The following FLT3 variants were observed in gnomAD, a reference collection of about 807,000 sequenced individuals.
The protein encoded by FLT3 is receptor-type tyrosine-protein kinase FLT3.
Under a neutral mutation model 126.6 loss-of-function variants are expected in FLT3, and 46 were observed. The observed-to-expected ratio is 0.36, with a 90% confidence interval of 0.29 to 0.46. FLT3 has a LOEUF of 0.46. Ranked by LOEUF, FLT3 falls within the 20% of genes least tolerant of loss-of-function variation. The pLI is 1.00. For synonymous variants in FLT3, 404 were observed against 434.4 expected (o/e 0.93, Z 0.87); for missense variants, 1,069 against 1,190.3 (o/e 0.90, Z 1.50).
intron 1 of FLT3, among the ~76,000 whole-genome samples, chr13:28,074,985 T>C (rs971805491): frequency 6.6e-6 from 1 of 152,168 alleles, no homozygotes; most frequent in African/African-American, 2.4e-5. Context: ...ACATTGAACA[T>C]CCATTTAGAT....
chr13:28,085,363 A>G (rs908785987), intron 1 of FLT3, among the ~76,000 whole-genome samples: 3 of 150,814 alleles, frequency 2.0e-5, no homozygotes, highest in Non-Finnish European at 3.0e-5. Flanking sequence ...AAAAAAAAAA[A>G]AAAAAGAAAA....
chr13:28,073,333 C>G (rs1001938562), intron 1 of FLT3: 1 of 342,696 alleles, frequency 2.9e-6, no homozygotes, highest in Non-Finnish European at 5.6e-6. Context: ...CTGGGTGACA[C>G]AGTGAGACCT....
intron 23 of FLT3, among the ~76,000 whole-genome samples, chr13:28,006,232 T>C (rs1870879045): frequency 6.6e-6 from 1 of 152,150 alleles, no homozygotes; most frequent in Admixed American, 6.6e-5. Flanking sequence ...GTCTACTTCT[T>C]TTTCTTTGTT....
At chr13:28,078,685 A>C (rs1878119455) in intron 1 of FLT3, among the ~76,000 whole-genome samples, 1 of 149,932 alleles carries the variant, frequency 6.7e-6, no homozygotes, top group African/African-American at 2.5e-5. Context: ...AGCAGCTAGA[A>C]TTTCTCCCCA....
At chr13:28,034,492 C>A (rs574426085) in intron 12 of FLT3, 85 bp from the exon 13 acceptor site, 14 of 944,104 alleles carry the variant, frequency 1.5e-5, no homozygotes, top group Admixed American at 9.9e-5. Context: ...TAATCTCTCA[C>A]ATCCTGTTTC....
intron 22 of FLT3, 144 bp downstream of exon 22, chr13:28,015,013 C>G: frequency 1.6e-6 from 1 of 607,688 alleles, no homozygotes; most frequent in Non-Finnish European, 2.9e-6. Context: ...CTGGCCAACA[C>G]AGCAAGACCT....
chr13:28,041,857 A>T (rs182458287), intron 9 of FLT3, among the ~76,000 whole-genome samples: 45 of 152,298 alleles, frequency 3.0e-4, no homozygotes, highest in Admixed American at 2.6e-3. Context: ...TAAAACTAAG[A>T]AAAGGGGTTT....
At chr13:28,063,042 T>A (rs1876709388) in intron 2 of FLT3, among the ~76,000 whole-genome samples, 1 of 147,850 alleles carries the variant, frequency 6.8e-6, no homozygotes. Flanking sequence ...GTAAATATTT[T>A]TGTGATTGTT....
At chr13:28,060,446 G>T (rs1402326301) in intron 3 of FLT3, among the ~76,000 whole-genome samples, 2 of 107,404 alleles carry the variant, frequency 1.9e-5, no homozygotes, top group African/African-American at 3.6e-5. Context: ...ATTCTTAATT[G>T]TAAATAAGGT....
chr13:28,009,134 A>C (rs1333712101), intron 23 of FLT3, among the ~76,000 whole-genome samples: 2 of 151,736 alleles, frequency 1.3e-5, no homozygotes, highest in Non-Finnish European at 2.9e-5. Flanking sequence ...GCACCACCAC[A>C]CCCAGCTAAT....
chr13:28,083,726 TA>T (rs1056744663), intron 1 of FLT3, among the ~76,000 whole-genome samples: 55 of 152,306 alleles, frequency 3.6e-4, no homozygotes, highest in African/African-American at 1.3e-3. Context: ...ATGTGTCTTT[TA>T]TTTTTTTTCT....
intron 1 of FLT3, among the ~76,000 whole-genome samples, chr13:28,080,460 A>G (rs1054538718): frequency 6.6e-6 from 1 of 152,218 alleles, no homozygotes; most frequent in African/African-American, 2.4e-5. Context: ...TATCAACATT[A>G]TTATCAGCTA....
chr13:28,041,059 C>G (rs1874334780), intron 9 of FLT3, among the ~76,000 whole-genome samples: 1 of 151,850 alleles, frequency 6.6e-6, no homozygotes, highest in Non-Finnish European at 1.5e-5. Context: ...AGGGGAATTT[C>G]TTATCCTGAC....
In FLT3 at chr13:28,036,042, C is replaced by T. The variant is rs2137683546; in HGVS notation, c.1311G>A (p.Arg437=). 6.2e-7 allele frequency: 1 copy of T among 1,613,684 alleles called. No individual in the cohort carries two copies. Among genetic ancestry groups the T allele is most frequent in the Non-Finnish European group, 8.5e-7 (1 of 1,179,684 alleles). The part of the protein sequence containing the change: ...FTKMFTLNIR[R]KPQVLAEASA... ...ATGCTTCTGCGAGCACTTGAGGTTT[C>T]CCTATAGAAAAGAACGTGTGAAATA... Residue 437 remains arginine (R), a splice_region_variant and synonymous_variant, in exon 11 of 24, where the codon AGG becomes AGA. Transcript: ENST00000241453.
intron 1 of FLT3, among the ~76,000 whole-genome samples, chr13:28,080,044 C>T (rs966628933): frequency 6.6e-6 from 1 of 152,186 alleles, no homozygotes; most frequent in Non-Finnish European, 1.5e-5. Context: ...GTATCCACCC[C>T]CAGGACCCAA....
chr13:28,073,015 AAAC>A (rs545486980), intron 1 of FLT3, among the ~76,000 whole-genome samples: 16 of 149,982 alleles, frequency 1.1e-4, no homozygotes, highest in African/African-American at 2.9e-4. Flanking sequence ...TAAAAAAAAA[AAAC>A]AACAACAACA....
chr13:28,051,519 G>T (rs1239190294), intron 5 of FLT3, among the ~76,000 whole-genome samples: 2 of 144,876 alleles, frequency 1.4e-5, no homozygotes, highest in African/African-American at 5.2e-5. Flanking sequence ...TTACAGGTGT[G>T]AGCCACTGTG....
chr13:28,077,723 C>G (rs945859002), intron 1 of FLT3, among the ~76,000 whole-genome samples: 1 of 152,142 alleles, frequency 6.6e-6, no homozygotes, highest in African/African-American at 2.4e-5. Flanking sequence ...CAGCCTTAAC[C>G]CAAATGTCCA....
At position 28,014,541 on chromosome 13, in the gene FLT3, A is replaced by T; in HGVS notation, c.2770T>A (p.Ser924Thr). The T allele has an allele frequency of 6.2e-7, 1 of 1,613,214 alleles. No homozygotes were observed. The highest frequency in any genetic ancestry group is 8.5e-7 in the Non-Finnish European group (1 of 1,179,166). Reference protein sequence around the residue: ...ATEEIYIIMQSCWAFDSRKRP... With the variant: ...ATEEIYIIMQTCWAFDSRKRP... Reference sequence around the variant, plus strand: ...TTCCTTGAGTCAAAAGCCCAGCAGGATTGCATTATAATGTATCTGTAAAAG... The same window carrying T: ...TTCCTTGAGTCAAAAGCCCAGCAGGTTTGCATTATAATGTATCTGTAAAAG... Residue 924 changes from serine to threonine, a missense_variant, in exon 23 of 24, where the codon TCC (serine) becomes ACC (threonine). Physicochemically the swap from Ser to Thr is moderately conservative, Grantham distance 58 (BLOSUM62 1). Transcript: ENST00000241453.
Sources: gnomAD v4.1 joint callset for allele counts (sites outside exome capture counted in the v4.1 genomes callset) on GRCh38, gnomAD v4.1.1 for gene constraint, MANE v1.5 for transcripts, NCBI Gene and HGNC (gene_info 2026-07-23, HGNC 2026-07-21) for gene names.